The following MBOAT2 variants were observed in gnomAD, a reference collection of about 807,000 sequenced individuals.
The protein encoded by MBOAT2 is membrane bound glycerophospholipid O-acyltransferase 2.
Under a neutral mutation model 63.4 loss-of-function variants are expected in MBOAT2, and 28 were observed. The ratio of observed to expected loss-of-function variants is 0.44; its 90% CI spans 0.33 to 0.61. MBOAT2 has a LOEUF of 0.61. Ranked by LOEUF, MBOAT2 falls within the 20% of genes least tolerant of loss-of-function variation. The pLI, the probability that MBOAT2 is intolerant of heterozygous loss-of-function variation, is 0.03. For synonymous variants in MBOAT2, 211 were observed against 215.6 expected, an observed-to-expected ratio of 0.98 and a Z score of 0.19; for missense variants, 470 against 605.8, an observed-to-expected ratio of 0.78 and a Z score of 2.35.
chr2:8,892,353 T>C (rs1249577558), intron 4 of MBOAT2, among the ~76,000 whole-genome samples: 1 of 152,122 alleles, frequency 6.6e-6, no homozygotes, highest in Admixed American at 6.5e-5. Context: ...CAAGATCCAC[T>C]GACACCAAGT....
At chr2:8,895,599 C>T (rs1301177774) in intron 4 of MBOAT2, among the ~76,000 whole-genome samples, 1 of 152,178 alleles carries the variant, frequency 6.6e-6, no homozygotes, top group Non-Finnish European at 1.5e-5. Context: ...AAGTCCCCAC[C>T]CAACCCAGAA....
At chr2:8,932,791 A>G (rs1203395109) in intron 3 of MBOAT2, among the ~76,000 whole-genome samples, 1 of 151,916 alleles carries the variant, frequency 6.6e-6, no homozygotes, top group African/African-American at 2.4e-5. Flanking sequence ...TGGCACATAG[A>G]AATCACTCCA....
chr2:8,906,380 G>A (rs932365675), intron 4 of MBOAT2, among the ~76,000 whole-genome samples: 6 of 152,198 alleles, frequency 3.9e-5, no homozygotes, highest in Non-Finnish European at 8.8e-5. Flanking sequence ...ACAGGATGCA[G>A]GCACAAGTGT....
At chr2:9,001,781 G>T (rs1282691375) in intron 1 of MBOAT2, among the ~76,000 whole-genome samples, 1 of 152,158 alleles carries the variant, frequency 6.6e-6, no homozygotes, top group Non-Finnish European at 1.5e-5. Flanking sequence ...AAATGAATAG[G>T]TATTATTAGC....
chr2:8,963,243 A>T (rs907147366), intron 1 of MBOAT2, among the ~76,000 whole-genome samples: 1 of 151,966 alleles, frequency 6.6e-6, no homozygotes, highest in African/African-American at 2.4e-5. Context: ...GTCTCAAAAA[A>T]AAAAAATTGA....
At chr2:8,859,638 A>G (rs148525916) in intron 12 of MBOAT2, among the ~76,000 whole-genome samples, 2 of 152,328 alleles carry the variant, frequency 1.3e-5, no homozygotes, top group African/African-American at 4.8e-5. Flanking sequence ...ATTTGATTCA[A>G]TAATTTTTTT....
chr2:8,883,705 T>C (rs1663319483), intron 5 of MBOAT2, among the ~76,000 whole-genome samples: 1 of 152,160 alleles, frequency 6.6e-6, no homozygotes, highest in Non-Finnish European at 1.5e-5. Flanking sequence ...ACTTTAGAAA[T>C]CTTTCTACCT....
intron 3 of MBOAT2, among the ~76,000 whole-genome samples, chr2:8,929,106 A>G (rs1033140731): frequency 1.3e-5 from 2 of 152,188 alleles, no homozygotes; most frequent in African/African-American, 4.8e-5. Context: ...TAGATCTCTA[A>G]ATTGGCTGGT....
At chr2:8,961,495 A>G (rs1055286712) in intron 1 of MBOAT2, among the ~76,000 whole-genome samples, 1 of 152,200 alleles carries the variant, frequency 6.6e-6, no homozygotes, top group Non-Finnish European at 1.5e-5. Flanking sequence ...ACACTGTCAG[A>G]GCACACATGC....
At chr2:8,889,257 G>C (rs920146524) in intron 4 of MBOAT2, among the ~76,000 whole-genome samples, 1 of 152,202 alleles carries the variant, frequency 6.6e-6, no homozygotes, top group African/African-American at 2.4e-5. Context: ...GCAAACAGAG[G>C]TGTCTTTCTC....
intron 4 of MBOAT2, among the ~76,000 whole-genome samples, chr2:8,890,694 A>AT (rs1558578733): frequency 1.3e-5 from 2 of 151,876 alleles, no homozygotes; most frequent in Admixed American, 6.6e-5. Flanking sequence ...TAATTTTTAA[A>AT]TTTTTTGTAG....
intron 2 of MBOAT2, among the ~76,000 whole-genome samples, chr2:8,956,188 G>C (rs1669212836): frequency 6.6e-6 from 1 of 152,084 alleles, no homozygotes; most frequent in African/African-American, 2.4e-5. Context: ...TTCCAAAAGG[G>C]AAGTTGTCAA....
intron 4 of MBOAT2, among the ~76,000 whole-genome samples, chr2:8,894,586 G>A (rs746573473): frequency 6.6e-6 from 1 of 152,240 alleles, no homozygotes; most frequent in Non-Finnish European, 1.5e-5. Context: ...GACTCTGAAC[G>A]TGAATAATAC....
chr2:8,966,728 A>T (rs1340774038), intron 1 of MBOAT2, among the ~76,000 whole-genome samples: 3 of 152,214 alleles, frequency 2.0e-5, no homozygotes, highest in Admixed American at 6.5e-5. Flanking sequence ...ACAATACCAA[A>T]TGCAGACTAC....
chr2:8,884,815 C>CA (rs1163922182), intron 5 of MBOAT2, among the ~76,000 whole-genome samples: 3 of 152,352 alleles, frequency 2.0e-5, no homozygotes, highest in Admixed American at 6.5e-5. Flanking sequence ...CAAAAGTCTA[C>CA]ACGCACAACA....
chr2:8,860,089 G>C (rs542984857), intron 12 of MBOAT2, among the ~76,000 whole-genome samples: 3 of 152,034 alleles, frequency 2.0e-5, no homozygotes, highest in African/African-American at 7.2e-5. Flanking sequence ...TTGGGAGGCT[G>C]AGGCAGAGAA....
At chr2:8,950,620 G>T (rs1462148213) in intron 2 of MBOAT2, among the ~76,000 whole-genome samples, 1 of 152,066 alleles carries the variant, frequency 6.6e-6, no homozygotes, top group Admixed American at 6.5e-5. Flanking sequence ...GTAGAGACGG[G>T]GTTTCACCGT....
chr2:8,958,660 AATTTTGTAT>A lies in MBOAT2; in HGVS notation c.76-27_76-19del. The A allele has an allele frequency of 6.5e-7, 1 of 1,544,158 alleles. No homozygotes were observed. ...AAGTTGACCTGTAAAGAAAAATTAA[AATTTTGTAT>A]TAGCAACACAGACCTGAATTTTTCA... On this transcript the variant is annotated intron_variant, in intron 1 of 12. Coordinates refer to ENST00000305997, the MANE Select transcript of MBOAT2 (RefSeq NM_138799.4).
In MBOAT2 at chr2:8,925,317, G is replaced by A. The variant is rs561927142; in HGVS notation, c.300-16601C>T. The stretch of plus-strand genomic sequence containing the variant: ...TCATCATTCTTCTATTCGACTTTGG[G>A]AGAAAAAACCTTTAGGTGGAAAGTA... On this transcript the variant is annotated intron_variant, in intron 3 of 12. Transcript: ENST00000305997. Among the ~76,000 whole-genome samples, 4 of 152,212 alleles carry A rather than the reference G, an allele frequency of 2.6e-5. No individual in the cohort carries two copies. In the South Asian group the frequency reaches 8.3e-4, roughly 32 times the overall value.
Sources: allele counts gnomAD v4.1 joint callset (sites outside exome capture counted in the v4.1 genomes callset), GRCh38; gene constraint gnomAD v4.1.1; transcripts MANE v1.5; gene names NCBI Gene and HGNC (gene_info 2026-07-23, HGNC 2026-07-21).